The following RUNDC3B variants were observed in gnomAD, a reference collection of about 807,000 sequenced individuals.
RUNDC3B encodes the protein RUN domain-containing protein 3B.
Under a neutral mutation model 58.4 loss-of-function variants are expected in RUNDC3B, and 33 were observed. The observed-to-expected ratio is 0.56, with a 90% confidence interval of 0.43 to 0.75. RUNDC3B has a LOEUF of 0.75. Ranked by LOEUF, RUNDC3B falls within the 30% of genes least tolerant of loss-of-function variation. The pLI, the probability that RUNDC3B is intolerant of heterozygous loss-of-function variation, is 0.00. For synonymous variants in RUNDC3B, 193 were observed against 195.2 expected, an observed-to-expected ratio of 0.99 and a Z score of 0.10; for missense variants, 501 against 535.7, an observed-to-expected ratio of 0.94 and a Z score of 0.64.
intron 2 of RUNDC3B, among the ~76,000 whole-genome samples, chr7:87,689,668 T>C (rs1217890167): frequency 1.3e-5 from 2 of 152,162 alleles, no homozygotes; most frequent in Non-Finnish European, 1.5e-5. Flanking sequence ...TAGTGGACTT[T>C]GTTCATTTTA....
At position 87,710,784 on chromosome 7, in the gene RUNDC3B, C is replaced by CA. The variant is rs1384288519; in HGVS notation, c.458+130dup. On this transcript the variant is annotated intron_variant, in intron 4 of 10. Coordinates refer to ENST00000394654, the MANE Select transcript of RUNDC3B (RefSeq NM_001134405.2). ...TTTATTTCCTCCTTTTGTTACTACT[C>CA]AGATAAATCCACTGTCTTCTTAGGA... is the stretch of plus-strand genomic sequence containing the variant. 14 of 512,860 alleles carry CA rather than the reference C, an allele frequency of 2.7e-5. No individual in the cohort carries two copies. In the East Asian group the frequency reaches 4.5e-4, roughly 17 times the overall value. 31.8% of individuals were successfully genotyped at this position (512,860 alleles called of 1,614,324 possible). A position where few individuals can be genotyped will look rare whatever the true frequency, so the allele number is the denominator to read the frequency against.
Position 87,831,203 on chromosome 7 carries a change from T to C in RUNDC3B, c.*1173T>C, listed in dbSNP as rs1032067216. 4.0e-5 allele frequency: 6 copies of C among 151,632 alleles called. No homozygotes were observed. The East Asian group carries it at 9.6e-4, about 24-fold the overall frequency. The allele number at this position is 151,632 out of a possible 1,614,324, so 9.4% of individuals were successfully genotyped here. A position where few individuals can be genotyped will look rare whatever the true frequency, so the allele number is the denominator to read the frequency against. On this transcript the variant is annotated 3_prime_UTR_variant, in exon 11 of 11. Coordinates refer to ENST00000394654, the MANE Select transcript of RUNDC3B (RefSeq NM_001134405.2). ...CGTGTATTTTCTATAGTAAGTAATA[T>C]GAGGAAAACATGATTAGCTGTGCCA...
intron 6 of RUNDC3B, among the ~76,000 whole-genome samples, chr7:87,747,334 G>A (rs775165269): frequency 2.0e-5 from 3 of 152,166 alleles, no homozygotes; most frequent in Non-Finnish European, 4.4e-5. Flanking sequence ...AGCCATCTAT[G>A]GGTCTCTCAG....
chr7:87,719,465 C>T lies in RUNDC3B; in HGVS notation c.458+8810C>T, dbSNP rs149273359. Among the ~76,000 whole-genome samples the T allele has an allele frequency of 1.3e-3, 194 of 151,204 alleles. 4 individuals carry two copies. In the East Asian group the frequency reaches 0.032, roughly 25 times the overall value. On this transcript the variant is annotated intron_variant, in intron 4 of 10. Transcript: ENST00000394654. ...AGAAATATAAACATATAAAAGTATA[C>T]AAAATGTACAAAAATACACAAGTAA... is the stretch of plus-strand genomic sequence containing the variant.
intron 8 of RUNDC3B, among the ~76,000 whole-genome samples, chr7:87,805,728 T>C (rs936752347): frequency 1.3e-5 from 2 of 152,224 alleles, no homozygotes; most frequent in African/African-American, 4.8e-5. Flanking sequence ...TCCTCACAGA[T>C]GCACCTTTGC....
At chr7:87,814,981 C>T (rs1836953404) in intron 9 of RUNDC3B, among the ~76,000 whole-genome samples, 1 of 151,996 alleles carries the variant, frequency 6.6e-6, no homozygotes, top group Admixed American at 6.6e-5. Flanking sequence ...AGAATATGTA[C>T]AAAAGCAATT....
At chr7:87,753,133 C>T (rs2130836910) in intron 6 of RUNDC3B, among the ~76,000 whole-genome samples, 1 of 151,520 alleles carries the variant, frequency 6.6e-6, no homozygotes, top group South Asian at 2.1e-4. Flanking sequence ...CGTTATGTAC[C>T]CAGTAGTCAT....
chr7:87,800,739 C>T (rs1836103022), intron 8 of RUNDC3B, among the ~76,000 whole-genome samples: 1 of 151,766 alleles, frequency 6.6e-6, no homozygotes, highest in Non-Finnish European at 1.5e-5. Context: ...CCTTGACCTC[C>T]AGGCTTAAGT....
In RUNDC3B at chr7:87,681,553, T is replaced by C. The variant is rs1437981313; in HGVS notation, c.239-18868T>C. Reference sequence around the variant, plus strand: ...GTAATAGCATTATGTCTAAAAAATGTACATACCCTAATTAAACTACTTTAC... The same window carrying C: ...GTAATAGCATTATGTCTAAAAAATGCACATACCCTAATTAAACTACTTTAC... On this transcript the variant is annotated intron_variant, in intron 2 of 10. Coordinates refer to ENST00000394654, the MANE Select transcript of RUNDC3B (RefSeq NM_001134405.2). Among the ~76,000 whole-genome samples, 2 of 150,840 alleles carry C rather than the reference T, an allele frequency of 1.3e-5. 1 individual carries two copies. The highest frequency in any genetic ancestry group is 2.9e-5 in the Non-Finnish European group (2 of 67,884).
intron 2 of RUNDC3B, among the ~76,000 whole-genome samples, chr7:87,676,640 G>T (rs938038145): frequency 2.0e-5 from 3 of 147,094 alleles, no homozygotes; most frequent in South Asian, 2.2e-4. Context: ...GGAGGCAGAG[G>T]TTGCAGTGAG....
chr7:87,742,009 T>C (rs2130813834), intron 6 of RUNDC3B, among the ~76,000 whole-genome samples: 1 of 152,362 alleles, frequency 6.6e-6, no homozygotes, highest in South Asian at 2.1e-4. Context: ...GCTATCCAGA[T>C]AAATTATCTG....
At chr7:87,640,238 T>A (rs1207202693) in intron 1 of RUNDC3B, among the ~76,000 whole-genome samples, 2 of 150,836 alleles carry the variant, frequency 1.3e-5, no homozygotes, top group African/African-American at 2.4e-5. Context: ...ATTACCATAT[T>A]TTTTTACAGT....
At chr7:87,700,366 A>G in intron 2 of RUNDC3B, 55 bp from the exon 3 acceptor site, 1 of 1,403,944 alleles carries the variant, frequency 7.1e-7, no homozygotes, top group South Asian at 1.3e-5. Context: ...TTGCATTTTC[A>G]AGTCTAGTTT....
At chr7:87,821,239 A>T (rs1837410824) in intron 10 of RUNDC3B, among the ~76,000 whole-genome samples, 2 of 152,086 alleles carry the variant, frequency 1.3e-5, no homozygotes, top group Admixed American at 1.3e-4. Context: ...ATTCTTATAC[A>T]CCAATAACAG....
At chr7:87,637,681 A>G (rs1011632313) in intron 1 of RUNDC3B, among the ~76,000 whole-genome samples, 88 of 152,202 alleles carry the variant, frequency 5.8e-4, no homozygotes, top group Middle Eastern at 3.4e-3. Context: ...TATTATGGTA[A>G]CTGAAATCAT....
At chr7:87,644,920 A>G (rs1046458419) in intron 1 of RUNDC3B, among the ~76,000 whole-genome samples, 1 of 152,016 alleles carries the variant, frequency 6.6e-6, no homozygotes, top group African/African-American at 2.4e-5. Flanking sequence ...TTATGTTACA[A>G]ATCTATGAAC....
At chr7:87,699,057 A>T (rs1828769322) in intron 2 of RUNDC3B, among the ~76,000 whole-genome samples, 1 of 152,192 alleles carries the variant, frequency 6.6e-6, no homozygotes, top group African/African-American at 2.4e-5. Flanking sequence ...AGTATTTTTT[A>T]AAAGCAGTCA....
chr7:87,816,090 TTA>T, intron 9 of RUNDC3B, 49 bp from the exon 10 acceptor site: 1 of 1,349,790 alleles, frequency 7.4e-7, no homozygotes, highest in Non-Finnish European at 1.0e-6. Context: ...ACTCAAGAAA[TTA>T]TTTTTTTGTG....
chr7:87,661,652 T>G (rs1033238639), intron 2 of RUNDC3B, among the ~76,000 whole-genome samples: 1 of 152,072 alleles, frequency 6.6e-6, no homozygotes, highest in African/African-American at 2.4e-5. Context: ...CCACATTTTC[T>G]TTATTCATTT....
Sources: gnomAD v4.1 joint callset for allele counts (sites outside exome capture counted in the v4.1 genomes callset) on GRCh38, gnomAD v4.1.1 for gene constraint, MANE v1.5 for transcripts, NCBI Gene and HGNC (gene_info 2026-07-23, HGNC 2026-07-21) for gene names.